The following BTBD8 variants were observed in gnomAD, a reference collection of about 807,000 sequenced individuals.
BTBD8 encodes the protein BTB/POZ domain-containing protein 8.
In BTBD8, 110 loss-of-function variants were observed where a neutral mutation model predicts 162.9. That is an observed-to-expected ratio of 0.68 (90% CI 0.58 to 0.79). The LOEUF is 0.79. Ranked by LOEUF, BTBD8 falls within the 30% of genes least tolerant of loss-of-function variation. The pLI, the probability that BTBD8 is intolerant of heterozygous loss-of-function variation, is 0.00. For synonymous variants in BTBD8, 667 were observed against 716.1 expected (o/e 0.93, Z 1.10); for missense variants, 1,905 against 2,085.4 (o/e 0.91, Z 1.68).
In BTBD8 at chr1:92,102,667, A is replaced by G. The variant is rs751220456; in HGVS notation, c.542A>G (p.Asn181Ser). 68 of 1,474,974 alleles carry G rather than the reference A, an allele frequency of 4.6e-5. No homozygotes were observed. The highest frequency in any genetic ancestry group is 6.0e-5 in the Non-Finnish European group (66 of 1,108,016). The allele number at this position is 1,474,974 out of a possible 1,614,324, so 91.4% of individuals were successfully genotyped here. The change falls in exon 3 of 18, where the codon AAT (asparagine) becomes AGT (serine). Residue 181 changes from asparagine (N) to serine (S), a missense_variant and splice_region_variant. Around this residue, in one of 3 missense-constraint regions of BTBD8, gnomAD observed 1,374 missense variants for 1,442.7 expected, o/e 0.95. Coordinates refer to ENST00000636805, the MANE Select transcript of BTBD8 (RefSeq NM_001376131.1). ...GACAGAGATGATGATTTCATTTCCA[A>G]TGGTGAGGTATTTTTTATGGAGTTG... is the stretch of plus-strand genomic sequence containing the variant. The part of the protein sequence containing the change: ...ISDRDDDFIS[N>S]DNYDLEPASE...
intron 4 of BTBD8, chr1:92,126,543 G>A (rs961012135): frequency 2.0e-6 from 1 of 507,446 alleles, no homozygotes; most frequent in Non-Finnish European, 3.9e-6. Context: ...TTCGCTATTT[G>A]CAGTGCCAAA....
chr1:92,132,834 G>A (rs1256049012), intron 5 of BTBD8, among the ~76,000 whole-genome samples: 1 of 149,410 alleles, frequency 6.7e-6, no homozygotes, highest in Non-Finnish European at 1.5e-5. Flanking sequence ...AGATACTTTT[G>A]TTGTTGTTGT....
At chr1:92,180,220 G>A in intron 16 of BTBD8, 45 bp from the exon 17 acceptor site, 1 of 1,310,766 alleles carries the variant, frequency 7.6e-7, no homozygotes, top group South Asian at 1.6e-5. Context: ...CTCACAAATT[G>A]GAGGTGATAT....
At chr1:92,126,996 C>G (rs1649376562) in intron 4 of BTBD8, among the ~76,000 whole-genome samples, 2 of 152,102 alleles carry the variant, frequency 1.3e-5, no homozygotes, top group African/African-American at 2.4e-5. Context: ...GAAAAATGCT[C>G]ATTTTTCCAC....
At chr1:92,095,033 TG>T (rs1003157067) in intron 2 of BTBD8, among the ~76,000 whole-genome samples, 2 of 152,192 alleles carry the variant, frequency 1.3e-5, no homozygotes, top group African/African-American at 4.8e-5. Context: ...GTCTTGCTGA[TG>T]GGGTTGGGGG....
chr1:92,100,537 A>G (rs923004672), intron 2 of BTBD8, among the ~76,000 whole-genome samples: 3 of 152,038 alleles, frequency 2.0e-5, no homozygotes, highest in Non-Finnish European at 4.4e-5. Flanking sequence ...TTCTTGAGTC[A>G]GGTTTGGTAG....
At chr1:92,132,081 C>T (rs868663899) in intron 5 of BTBD8, among the ~76,000 whole-genome samples, 28 of 152,204 alleles carry the variant, frequency 1.8e-4, no homozygotes, top group African/African-American at 6.0e-4. Flanking sequence ...AAAAGTTTTC[C>T]GATTGGTATG....
At chr1:92,147,107 T>C in intron 7 of BTBD8, 73 bp from the exon 8 acceptor site, 1 of 1,188,270 alleles carries the variant, frequency 8.4e-7, no homozygotes, top group Non-Finnish European at 1.2e-6. Flanking sequence ...AATTGGATTA[T>C]CTTTATGAAC....
chr1:92,114,687 G>C (rs971831621), intron 4 of BTBD8: 1 of 159,812 alleles, frequency 6.3e-6, no homozygotes, highest in Non-Finnish European at 1.4e-5. Flanking sequence ...TACAAACTGT[G>C]AGGAGGGGAG....
At chr1:92,097,126 A>G (rs948695411) in intron 2 of BTBD8, among the ~76,000 whole-genome samples, 7 of 152,088 alleles carry the variant, frequency 4.6e-5, no homozygotes, top group Non-Finnish European at 8.8e-5. Context: ...ATCTCATCCT[A>G]TTCCTTTTCA....
At chr1:92,104,934 A>AT (rs1429963572) in intron 3 of BTBD8, among the ~76,000 whole-genome samples, 1 of 89,660 alleles carries the variant, frequency 1.1e-5, no homozygotes, top group African/African-American at 4.0e-5. Context: ...CTACCTTATT[A>AT]TTATTTTTTT....
intron 17 of BTBD8, 31 bp downstream of exon 17, chr1:92,182,626 A>G (rs913901236): frequency 8.4e-6 from 11 of 1,310,334 alleles, no homozygotes; most frequent in South Asian, 2.1e-5. Context: ...TGCTAAATGC[A>G]TAAGAAAATA....
chr1:92,139,184 G>A (rs1422619926), intron 5 of BTBD8, among the ~76,000 whole-genome samples, 166 bp from the exon 6 acceptor site: 2 of 152,154 alleles, frequency 1.3e-5, no homozygotes, highest in Non-Finnish European at 2.9e-5. Context: ...TTGTAGTTCT[G>A]TTTAAATTAA....
intron 7 of BTBD8, among the ~76,000 whole-genome samples, chr1:92,142,704 A>G (rs511546): frequency 0.73 from 111,117 of 152,186 alleles, 41,554 homozygotes; most frequent in East Asian, 0.97. Context: ...AGATGACACC[A>G]TGTCCCACTT....
At chr1:92,141,287 T>C in intron 7 of BTBD8, 76 bp downstream of exon 7, 2 of 1,404,192 alleles carry the variant, frequency 1.4e-6, no homozygotes, top group South Asian at 1.4e-5. Context: ...TTAACTCTGA[T>C]AGTAATAGTG....
rs1474420472 is a variant in BTBD8 at position 92,180,597 on chromosome 1, G to A, written c.2914G>A (p.Asp972Asn). ...TACTGTCCAAAAAAGTATGTTTCATGATGTGCGTGATAATAACAACAAGGA... is the reference window on the plus strand; with the variant it reads ...TACTGTCCAAAAAAGTATGTTTCATAATGTGCGTGATAATAACAACAAGGA... ...TSTVQKSMFH[D>N]VRDNNNKDSV... The change falls in exon 17 of 18, where the codon GAT becomes AAT. Residue 972 changes from aspartate to asparagine, a missense_variant. Transcript: ENST00000636805. 1.3e-6 allele frequency: 2 copies of A among 1,551,146 alleles called. No homozygotes were observed. Among genetic ancestry groups the A allele is most frequent in the Non-Finnish European group, 1.7e-6 (2 of 1,146,916 alleles).
intron 2 of BTBD8, among the ~76,000 whole-genome samples, chr1:92,094,982 A>AG (rs2101897512): frequency 6.6e-6 from 1 of 152,324 alleles, no homozygotes; most frequent in East Asian, 1.9e-4. Context: ...AGTGGTTGGA[A>AG]TAAGTGTCTT....
intron 5 of BTBD8, among the ~76,000 whole-genome samples, chr1:92,130,984 G>A (rs543944235): frequency 3.3e-5 from 5 of 151,700 alleles, no homozygotes; most frequent in South Asian, 2.1e-4. Flanking sequence ...GATTACAGGC[G>A]TGAGCTACTG....
chr1:92,097,325 T>C (rs1321260682), intron 2 of BTBD8, among the ~76,000 whole-genome samples: 1 of 152,168 alleles, frequency 6.6e-6, no homozygotes, highest in Non-Finnish European at 1.5e-5. Flanking sequence ...ACATCAAAGC[T>C]CCTCAAGAAT....
Sources: gnomAD v4.1 joint callset for allele counts (sites outside exome capture counted in the v4.1 genomes callset) on GRCh38, gnomAD v4.1.1 for gene constraint, gnomAD v4.1.1 regional missense constraint, MANE v1.5 for transcripts, NCBI Gene and HGNC (gene_info 2026-07-23, HGNC 2026-07-21) for gene names.